Variants in MGARP observed in about 807,000 individuals in gnomAD.
MGARP encodes protein MGARP.
In MGARP, 12 loss-of-function variants were observed where a neutral mutation model predicts 11.0. That is an observed-to-expected ratio of 1.09 (90% CI 0.70 to 1.77). MGARP has a LOEUF of 1.77. Ranked by LOEUF, MGARP falls within the 40% of genes most tolerant of loss-of-function variation. The pLI is 0.00. For synonymous variants in MGARP, 110 were observed against 115.4 expected (o/e 0.95, Z 0.30); for missense variants, 283 against 297.8 (o/e 0.95, Z 0.36).
At chr4:139,278,026 A>G (rs1373553371) in intron 1 of MGARP, among the ~76,000 whole-genome samples, 1 of 152,112 alleles carries the variant, frequency 6.6e-6, no homozygotes, top group Admixed American at 6.6e-5. Flanking sequence ...TTGGGAGTTC[A>G]AGACCAGCCT....
chr4:139,278,437 ATAGT>A (rs1007930123), intron 1 of MGARP, among the ~76,000 whole-genome samples: 1 of 152,260 alleles, frequency 6.6e-6, no homozygotes, highest in Admixed American at 6.5e-5. Context: ...TGCTGCAAAA[ATAGT>A]TAGATGAAAA....
At chr4:139,269,039 G>A (rs1314720205) in intron 2 of MGARP, among the ~76,000 whole-genome samples, 1 of 152,164 alleles carries the variant, frequency 6.6e-6, no homozygotes, top group Admixed American at 6.5e-5. Context: ...TATTACCTGG[G>A]TGACAAATCA....
At chr4:139,277,552 C>A (rs1206382403) in intron 1 of MGARP, among the ~76,000 whole-genome samples, 1 of 152,040 alleles carries the variant, frequency 6.6e-6, no homozygotes, top group African/African-American at 2.4e-5. Flanking sequence ...AATACAAATA[C>A]AATGATGGAC....
At chr4:139,275,533 A>T (rs950998891) in intron 1 of MGARP, 141 bp from the exon 2 acceptor site, 8 of 625,006 alleles carry the variant, frequency 1.3e-5, no homozygotes, top group Middle Eastern at 3.8e-4. Flanking sequence ...GGAATACAGT[A>T]TTACGAGGCT....
At chr4:139,272,785 C>G (rs897019987) in intron 2 of MGARP, among the ~76,000 whole-genome samples, 2 of 144,750 alleles carry the variant, frequency 1.4e-5, no homozygotes, top group African/African-American at 5.2e-5. Flanking sequence ...CTCCCCGGTT[C>G]AAGCAATTCT....
chr4:139,276,511 C>T (rs981896856), intron 1 of MGARP, among the ~76,000 whole-genome samples: 4 of 152,126 alleles, frequency 2.6e-5, no homozygotes, highest in Admixed American at 6.6e-5. Context: ...ATGAGAGATT[C>T]GTGACCCAGA....
At chr4:139,278,390 G>A (rs1049416824) in intron 1 of MGARP, among the ~76,000 whole-genome samples, 1 of 152,162 alleles carries the variant, frequency 6.6e-6, no homozygotes, top group Non-Finnish European at 1.5e-5. Flanking sequence ...AGACAAATTT[G>A]TTTCCAATCA....
chr4:139,278,315 GAAA>G (rs1205196195), intron 1 of MGARP, among the ~76,000 whole-genome samples: 1 of 151,994 alleles, frequency 6.6e-6, no homozygotes, highest in African/African-American at 2.4e-5. Context: ...CAATAAAACT[GAAA>G]AAAATTATTT....
chr4:139,271,753 T>C (rs796739265), intron 2 of MGARP, among the ~76,000 whole-genome samples: 6 of 152,308 alleles, frequency 3.9e-5, no homozygotes, highest in African/African-American at 1.2e-4. Flanking sequence ...GAAAGTAGCC[T>C]AAGATTCCTG....
At position 139,280,105 on chromosome 4, in the gene MGARP, G is replaced by A. The variant is rs28536098; in HGVS notation, c.54C>T (p.Pro18=). 24,184 of 1,612,078 alleles carry A rather than the reference G, an allele frequency of 0.015. 2,671 individuals carry two copies. In the African/African-American group the frequency reaches 0.26, roughly 17 times the overall value. The change falls in exon 1 of 4, where the codon CCC becomes CCT. Residue 18 remains proline, a synonymous_variant. Coordinates refer to ENST00000398955, the MANE Select transcript of MGARP (RefSeq NM_032623.4). ...CCTTTCCGAGCGGCGCGGGGTTGGG[G>A]GGCGCCCTCAGCGGCAGCGCCAGAG... ...SKTLALPLRA[P]PNPAPLGKDA... is the part of the protein sequence containing the mutation.
At chr4:139,278,315 GA>G (rs1205196195) in intron 1 of MGARP, among the ~76,000 whole-genome samples, 1 of 151,994 alleles carries the variant, frequency 6.6e-6, no homozygotes, top group Non-Finnish European at 1.5e-5. Context: ...CAATAAAACT[GA>G]AAAAAATTAT....
In MGARP at chr4:139,266,744, T is replaced by A; in HGVS notation, c.578A>T (p.Asp193Val). 6.2e-7 allele frequency: 1 copy of A among 1,614,198 alleles called. No individual in the cohort carries two copies. The highest frequency in any genetic ancestry group is 8.5e-7 in the Non-Finnish European group (1 of 1,180,018). ...GGTTTCGTTCTTTGTTGTATCTTTA[T>A]CATTATCGATGGTGACAGCTTCATC... ...ALDEAVTIDN[D>V]KDTTKNETSD... The change falls in exon 4 of 4, where the codon GAT becomes GTT. Residue 193 changes from aspartate (D) to valine (V), a missense_variant. Coordinates refer to ENST00000398955, the MANE Select transcript of MGARP (RefSeq NM_032623.4).
At chr4:139,269,431 C>T (rs939707768) in intron 2 of MGARP, among the ~76,000 whole-genome samples, 2 of 151,816 alleles carry the variant, frequency 1.3e-5, no homozygotes, top group African/African-American at 4.8e-5. Flanking sequence ...GAGTTCGAGA[C>T]CAGTCTGGCC....
At chr4:139,275,212 C>T in intron 2 of MGARP, 77 bp downstream of exon 2, 9 of 1,146,696 alleles carry the variant, frequency 7.8e-6, no homozygotes, top group Non-Finnish European at 1.0e-5. Context: ...ATGTCCTGAT[C>T]TTGACGTTGC....
intron 2 of MGARP, among the ~76,000 whole-genome samples, chr4:139,273,502 C>T (rs1409524686): frequency 7.0e-6 from 1 of 142,558 alleles, no homozygotes; most frequent in African/African-American, 2.6e-5. Context: ...CACCGCATTA[C>T]TTTTATTCTT....
chr4:139,269,060 C>A (rs948023882), intron 2 of MGARP, among the ~76,000 whole-genome samples: 1 of 152,146 alleles, frequency 6.6e-6, no homozygotes, highest in African/African-American at 2.4e-5. Context: ...ATCTATACAT[C>A]AAACCCCCAT....
rs375964589 is a variant in MGARP, at chr4:139,280,056, G to C, written c.82+21C>G. 154 of 1,611,124 alleles carry C rather than the reference G, an allele frequency of 9.6e-5. 1 individual carries two copies. Among genetic ancestry groups the C allele is most frequent in the South Asian group, 5.5e-5 (5 of 90,986 alleles). ...ACCCGAGGCGCCCGTCCTCCTCTCC[G>C]GGCTAGACCTCCTTACTCACCGTCC... On this transcript the variant is annotated intron_variant, in intron 1 of 3. Coordinates refer to ENST00000398955, the MANE Select transcript of MGARP (RefSeq NM_032623.4).
chr4:139,275,737 C>T (rs568344723), intron 1 of MGARP, among the ~76,000 whole-genome samples: 6 of 152,316 alleles, frequency 3.9e-5, no homozygotes, highest in African/African-American at 1.4e-4. Context: ...ACTATATGTA[C>T]TCCACTACAG....
rs560793642 is a variant in MGARP at position 139,278,401 on chromosome 4, A to G, written c.82+1676T>C. ...CTGAAGACAAATTTGTTTCCAATCAATAATAGTTCTTAAATACATTTTAAG... is the reference window on the plus strand; with the variant it reads ...CTGAAGACAAATTTGTTTCCAATCAGTAATAGTTCTTAAATACATTTTAAG... On this transcript the variant is annotated intron_variant, in intron 1 of 3. Coordinates refer to ENST00000398955, the MANE Select transcript of MGARP (RefSeq NM_032623.4). Among the ~76,000 whole-genome samples, 38 of 152,368 alleles carry G rather than the reference A, an allele frequency of 2.5e-4. No homozygotes were observed. The South Asian group carries it at 7.9e-3, about 32-fold the overall frequency.
Sources: gnomAD v4.1 joint callset for allele counts (sites outside exome capture counted in the v4.1 genomes callset) on GRCh38, gnomAD v4.1.1 for gene constraint, MANE v1.5 for transcripts, NCBI Gene and HGNC (gene_info 2026-07-23, HGNC 2026-07-21) for gene names.